ABCA12: variants seen among roughly 807,000 people sequenced by gnomAD.
The protein encoded by ABCA12 is glucosylceramide transporter ABCA12.
Under a neutral mutation model 293.5 loss-of-function variants are expected in ABCA12, and 156 were observed. That is an observed-to-expected ratio of 0.53 (90% CI 0.47 to 0.61). The LOEUF is 0.61. Ranked by LOEUF, ABCA12 falls within the 20% of genes least tolerant of loss-of-function variation. The pLI is 0.00. For synonymous variants in ABCA12, 1,063 were observed against 1,108.0 expected (o/e 0.96, Z 0.81); for missense variants, 2,797 against 3,090.2 (o/e 0.91, Z 2.25).
chr2:214,950,293 C>T (rs1163948660), intron 45 of ABCA12, among the ~76,000 whole-genome samples: 1 of 151,640 alleles, frequency 6.6e-6, no homozygotes, highest in African/African-American at 2.4e-5. Context: ...GAACCAATCT[C>T]CCATGGATAT....
At chr2:215,089,115 G>T (rs1702091829) in intron 2 of ABCA12, among the ~76,000 whole-genome samples, 1 of 151,836 alleles carries the variant, frequency 6.6e-6, no homozygotes, top group African/African-American at 2.4e-5. Context: ...ATGGGATCTA[G>T]GAAACAAGAT....
chr2:214,936,031 A>G (rs1698207635), intron 51 of ABCA12, among the ~76,000 whole-genome samples: 3 of 152,162 alleles, frequency 2.0e-5, no homozygotes, highest in Admixed American at 6.6e-5. Flanking sequence ...TGTGAAGTAG[A>G]TGTTACTGTA....
At chr2:214,944,222 G>A (rs187657584) in intron 49 of ABCA12, among the ~76,000 whole-genome samples, 40 of 152,112 alleles carry the variant, frequency 2.6e-4, no homozygotes, top group Middle Eastern at 6.8e-3. Context: ...GACCAGCCTG[G>A]CCAACATGCT....
chr2:214,989,281 T>C (rs781774539), intron 26 of ABCA12, 48 bp downstream of exon 26: 20 of 1,597,290 alleles, frequency 1.3e-5, no homozygotes, highest in South Asian at 2.2e-5. Flanking sequence ...TTGATTTATA[T>C]TGAAGTCAAC....
intron 7 of ABCA12, among the ~76,000 whole-genome samples, chr2:215,040,838 C>A (rs1214369873): frequency 1.3e-5 from 2 of 148,650 alleles, no homozygotes; most frequent in African/African-American, 5.2e-5. Context: ...AACAAAAAAA[C>A]AAAATGTTAT....
chr2:214,966,716 T>C, intron 39 of ABCA12, 132 bp downstream of exon 39: 2 of 799,952 alleles, frequency 2.5e-6, no homozygotes, highest in Admixed American at 4.0e-5. Context: ...ACTTCTAAAC[T>C]CCTTTTAAAG....
intron 11 of ABCA12, among the ~76,000 whole-genome samples, chr2:215,020,292 G>GCACACACACACACA (rs55917549): frequency 0.011 from 1,584 of 148,788 alleles, 21 homozygotes; most frequent in African/African-American, 0.031. Flanking sequence ...GGGAATGTAT[G>GCACACACACACACA]CACACACACA....
In ABCA12 at chr2:214,989,567, C is replaced by T. The variant is rs1286289900; in HGVS notation, c.3679G>A (p.Glu1227Lys). 2.5e-6 allele frequency: 4 copies of T among 1,614,028 alleles called. No individual in the cohort carries two copies. Among genetic ancestry groups the T allele is most frequent in the South Asian group, 2.2e-5 (2 of 91,066 alleles). Residue 1227 changes from glutamate to lysine, a missense_variant, in exon 25 of 53, where the codon GAA (glutamate) becomes AAA (lysine). Coordinates refer to ENST00000272895, the MANE Select transcript of ABCA12 (RefSeq NM_173076.3). The part of the protein sequence containing the change: ...SYASQYIARY[E>K]EQGIGLQWEN... ...GGGGACCTACCAATGCCCTGTTCTT[C>T]GTATCGTGCAATGTATTGGCTTGCA...
chr2:215,045,366 A>C (rs1301134484), intron 7 of ABCA12, among the ~76,000 whole-genome samples: 1 of 152,190 alleles, frequency 6.6e-6, no homozygotes, highest in Non-Finnish European at 1.5e-5. Flanking sequence ...CTGACTACAC[A>C]TGAGGGAGGC....
rs908615511 is a variant in ABCA12 at position 215,118,401 on chromosome 2, C to CA, written c.70-6712dup. 9.0e-4 allele frequency among the ~76,000 whole-genome samples: 134 copies of CA among 149,312 alleles called. 1 individual carries two copies. Among genetic ancestry groups the CA allele is most frequent in the Non-Finnish European group, 1.4e-3 (93 of 67,366 alleles). ...TGGGTGACAGAGTGAGACTCCGTCT[C>CA]AAAAAAAAATTAATTAATAAAAAAA... On this transcript the variant is annotated intron_variant, in intron 1 of 52. Transcript: ENST00000272895.
intron 20 of ABCA12, 35 bp downstream of exon 20, chr2:215,004,174 A>G: frequency 1.3e-6 from 2 of 1,523,370 alleles, no homozygotes; most frequent in Non-Finnish European, 9.1e-7. Context: ...GTCCGACATG[A>G]CTCATGAATA....
At chr2:215,137,231 A>C (rs1703248603) in intron 1 of ABCA12, among the ~76,000 whole-genome samples, 1 of 152,176 alleles carries the variant, frequency 6.6e-6, no homozygotes, top group Admixed American at 6.5e-5. Flanking sequence ...CAGGCAATCC[A>C]AGCAAGCCTG....
chr2:214,960,824 T>A (rs1699091519), intron 39 of ABCA12, among the ~76,000 whole-genome samples: 1 of 152,030 alleles, frequency 6.6e-6, no homozygotes, highest in Admixed American at 6.6e-5. Flanking sequence ...TAACATTTGT[T>A]AAGGAAAACA....
chr2:215,058,612 T>G (rs78382394), intron 3 of ABCA12, among the ~76,000 whole-genome samples: 3 of 151,992 alleles, frequency 2.0e-5, no homozygotes, highest in Non-Finnish European at 4.4e-5. Context: ...AATTCAACCC[T>G]CTGGGTGAAC....
rs144970363 is a variant in ABCA12, at chr2:215,077,674, T to A, written c.164-13455A>T. ...AGTTTCTCATAATCCTTCAAACTTT[T>A]GGTTGTTGGCAAACATGTGCCATTT... On this transcript the variant is annotated intron_variant, in intron 2 of 52. Coordinates refer to ENST00000272895, the MANE Select transcript of ABCA12 (RefSeq NM_173076.3). Among the ~76,000 whole-genome samples the A allele has an allele frequency of 2.0e-5, 3 of 152,362 alleles. No homozygotes were observed. In the East Asian group the frequency reaches 5.8e-4, roughly 29 times the overall value.
rs1699324522 is a variant in ABCA12, at chr2:214,968,829, T to C, written c.5691-22A>G. ...ATATCTACAGAGAGTAATAAAAATA[T>C]ATCTTTGGTTTAGTGGAGAAAATCT... On this transcript the variant is annotated intron_variant, in intron 37 of 52. Transcript: ENST00000272895. 3 of 1,603,710 alleles carry C rather than the reference T, an allele frequency of 1.9e-6. No homozygotes were observed. In the East Asian group the frequency reaches 6.7e-5, roughly 36 times the overall value.
intron 26 of ABCA12, 42 bp downstream of exon 26, chr2:214,989,287 T>C: frequency 6.2e-7 from 1 of 1,602,966 alleles, no homozygotes; most frequent in Non-Finnish European, 8.5e-7. Flanking sequence ...TATATTGAAG[T>C]CAACCATAAA....
chr2:215,025,286 A>C (rs1190387077), intron 11 of ABCA12: 1 of 184,420 alleles, frequency 5.4e-6, no homozygotes, highest in Non-Finnish European at 1.1e-5. Context: ...CCATTATATA[A>C]CATCAAACTC....
At chr2:214,983,562 G>A in intron 29 of ABCA12, 85 bp downstream of exon 29, 4 of 1,116,166 alleles carry the variant, frequency 3.6e-6, no homozygotes, top group Admixed American at 3.5e-5. Flanking sequence ...TTTCCTATTG[G>A]TATCATTACC....
Sources: allele counts gnomAD v4.1 joint callset (sites outside exome capture counted in the v4.1 genomes callset), GRCh38; gene constraint gnomAD v4.1.1; transcripts MANE v1.5; gene names NCBI Gene and HGNC (gene_info 2026-07-23, HGNC 2026-07-21).